ATP11C: variants seen among roughly 807,000 people sequenced by gnomAD.
ATP11C encodes the protein phospholipid-transporting ATPase IG.
ATP11C carries 36 observed loss-of-function variants against 97.4 expected under a neutral mutation model. That is an observed-to-expected ratio of 0.37 (90% confidence interval 0.28 to 0.49). The LOEUF is 0.49. Among genes scored for constraint, ATP11C ranks in the 20% least tolerant of loss-of-function variants. The probability of loss-of-function intolerance (pLI) is 0.98; values close to 1 mark genes in which losing one functional copy is unlikely to be tolerated. For missense variants in ATP11C, 730 were observed against 824.6 expected (o/e 0.89, Z 1.40); for synonymous variants, 275 against 290.9 (o/e 0.95, Z 0.56).
rs182586670 is a variant in ATP11C, at chrX:139,798,994, G to T, written c.711-251C>A. Reference sequence around the variant, plus strand: ...CATAGGCAAAAAAAATACATGGGGGGGGATAAAAGGATTATGAATCATGGA... The same window carrying T: ...CATAGGCAAAAAAAATACATGGGGGTGGATAAAAGGATTATGAATCATGGA... On this transcript the variant is annotated intron_variant, in intron 8 of 29. Transcript: ENST00000682941. 5.8e-3 allele frequency among the ~76,000 whole-genome samples: 640 copies of T among 111,123 alleles called. 2 individuals are homozygous for T. The highest frequency in any genetic ancestry group is 9.3e-3 in the Non-Finnish European group (495 of 53,027).
At chrX:139,866,983 G>T (rs2084297830) in intron 1 of ATP11C, among the ~76,000 whole-genome samples, 1 of 111,794 alleles carries the variant, frequency 8.9e-6, no homozygotes, top group Non-Finnish European at 1.9e-5. Context: ...CTACTTGAGA[G>T]GCTGAGGTGG....
At chrX:139,788,656 G>C (rs2082627154) in intron 13 of ATP11C, among the ~76,000 whole-genome samples, 1 of 111,654 alleles carries the variant, frequency 9.0e-6, no homozygotes, top group African/African-American at 3.3e-5. Context: ...TCACAATCTA[G>C]CAATAGCTCA....
chrX:139,794,401 G>T (rs1423223594), intron 12 of ATP11C, among the ~76,000 whole-genome samples: 1 of 112,375 alleles, frequency 8.9e-6, no homozygotes, highest in Non-Finnish European at 1.9e-5. Context: ...AATGGCCTAA[G>T]AAACCATTTC....
At chrX:139,786,287 A>T (rs1569454610) in intron 15 of ATP11C, among the ~76,000 whole-genome samples, 2 of 112,013 alleles carry the variant, frequency 1.8e-5, no homozygotes, top group Non-Finnish European at 3.8e-5. Flanking sequence ...AGTATTTACT[A>T]CATAGCTTGT....
chrX:139,836,861 T>C (rs1182277153), intron 1 of ATP11C, among the ~76,000 whole-genome samples: 1 of 111,738 alleles, frequency 8.9e-6, no homozygotes, highest in Non-Finnish European at 1.9e-5. Context: ...ATGAAATCCA[T>C]TTCCCAGCAA....
At chrX:139,731,902 T>C (rs2081350110) in intron 28 of ATP11C, 147 bp from the exon 29 acceptor site, 1 of 263,497 alleles carries the variant, frequency 3.8e-6, no homozygotes, top group Non-Finnish European at 6.9e-6. Flanking sequence ...CACTATATAG[T>C]AAATGTATAA....
chrX:139,789,576 A>T (rs752014361), intron 12 of ATP11C, 88 bp from the exon 13 acceptor site: 68 of 707,994 alleles, frequency 9.6e-5, no homozygotes, highest in Non-Finnish European at 1.4e-4. Flanking sequence ...TTTCATATCC[A>T]TAGGAAATCA....
Position 139,827,933 on chromosome X carries a change from C to T in ATP11C, c.28-1110G>A, listed in dbSNP as rs186292653. Among the ~76,000 whole-genome samples, 794 of 111,721 alleles carry T rather than the reference C, an allele frequency of 7.1e-3. 8 individuals are homozygous for T. The highest frequency in any genetic ancestry group is 0.024 in the African/African-American group (747 of 30,776). On this transcript the variant is annotated intron_variant, in intron 1 of 29. Coordinates refer to ENST00000682941, the MANE Select transcript of ATP11C (RefSeq NM_001353812.2). ...GTAGATGGTATGTGGAAAATTATTT[C>T]TTCGTTTAAAAATTAAAAATCACCC... is the stretch of plus-strand genomic sequence containing the variant.
At position 139,892,137 on chromosome X, in the gene ATP11C, G is replaced by A. The variant is rs183742567; in HGVS notation, c.27+39879C>T. On this transcript the variant is annotated intron_variant, in intron 1 of 29. Transcript: ENST00000682941. ...CTCCCAAAGTGCTGGGATTACGGGC[G>A]CGAGCTACTGCACCCGGCCTAGTAA... is the stretch of plus-strand genomic sequence containing the variant. Among the ~76,000 whole-genome samples the A allele has an allele frequency of 4.6e-3, 515 of 111,446 alleles. 1 individual carries two copies. Among genetic ancestry groups the A allele is most frequent in the African/African-American group, 0.016 (485 of 30,678 alleles).
chrX:139,881,344 C>G (rs2084558655), intron 1 of ATP11C, among the ~76,000 whole-genome samples: 1 of 111,390 alleles, frequency 9.0e-6, no homozygotes, highest in Admixed American at 9.6e-5. Context: ...CAACCCAGGC[C>G]ACGAGAGTAG....
At chrX:139,747,872 T>C (rs1008791095) in intron 24 of ATP11C, among the ~76,000 whole-genome samples, 1 of 111,757 alleles carries the variant, frequency 8.9e-6, no homozygotes, top group African/African-American at 3.2e-5. Context: ...CATTCACAAC[T>C]TGCAAGTATG....
intron 1 of ATP11C, among the ~76,000 whole-genome samples, chrX:139,918,466 G>A (rs1389828196): frequency 9.5e-6 from 1 of 105,720 alleles, no homozygotes; most frequent in Non-Finnish European, 1.9e-5. Context: ...ACAAAAATTA[G>A]CTGGGCATAG....
chrX:139,893,757 T>C (rs973383378), intron 1 of ATP11C, among the ~76,000 whole-genome samples: 2 of 108,701 alleles, frequency 1.8e-5, no homozygotes, highest in Non-Finnish European at 3.8e-5. Flanking sequence ...AAAAAAAAAA[T>C]TGCACAACAA....
At chrX:139,745,979 T>C in intron 24 of ATP11C, 122 bp from the exon 25 acceptor site, 1 of 774,843 alleles carries the variant, frequency 1.3e-6, no homozygotes, top group Non-Finnish European at 1.8e-6. Flanking sequence ...CTTAATGGCC[T>C]GACAGATTTT....
intron 2 of ATP11C, among the ~76,000 whole-genome samples, 184 bp from the exon 3 acceptor site, chrX:139,819,611 T>C (rs1433608074): frequency 4.4e-5 from 5 of 112,363 alleles, no homozygotes; most frequent in Non-Finnish European, 7.5e-5. Flanking sequence ...GAAAACCTTT[T>C]TCAGAAATGA....
At chrX:139,849,535 T>C (rs765180590) in intron 1 of ATP11C, among the ~76,000 whole-genome samples, 10 of 111,459 alleles carry the variant, frequency 9.0e-5, no homozygotes, top group African/African-American at 3.3e-4. Flanking sequence ...TAAATAACCA[T>C]TGAATAAATG....
intron 1 of ATP11C, among the ~76,000 whole-genome samples, chrX:139,857,239 T>A (rs903377126): frequency 3.6e-5 from 4 of 111,456 alleles, no homozygotes; most frequent in Admixed American, 9.6e-5. Flanking sequence ...CCAGAGAAGC[T>A]TCTTCTTTTA....
At chrX:139,907,119 C>A (rs748557610) in intron 1 of ATP11C, among the ~76,000 whole-genome samples, 55 of 111,401 alleles carry the variant, frequency 4.9e-4, no homozygotes, top group African/African-American at 1.7e-3. Flanking sequence ...TTTCCTTTAT[C>A]ACTCATCACA....
chrX:139,894,511 A>T (rs2084776884), intron 1 of ATP11C, among the ~76,000 whole-genome samples: 1 of 111,682 alleles, frequency 9.0e-6, no homozygotes, highest in Non-Finnish European at 1.9e-5. Flanking sequence ...AGATGAAGAG[A>T]GGTTGATTAA....
Sources: allele counts gnomAD v4.1 joint callset (sites outside exome capture counted in the v4.1 genomes callset), GRCh38; gene constraint gnomAD v4.1.1; transcripts MANE v1.5; gene names NCBI Gene and HGNC (gene_info 2026-07-23, HGNC 2026-07-21).